Variants in HDGFL3 observed in about 807,000 individuals in gnomAD.
The protein encoded by HDGFL3 is hepatoma-derived growth factor-related protein 3.
HDGFL3 carries 6 observed loss-of-function variants against 27.6 expected under a neutral mutation model. The ratio of observed to expected loss-of-function variants is 0.22; its 90% confidence interval spans 0.12 to 0.43. The LOEUF (loss-of-function observed/expected upper bound fraction) is 0.43. Ranked by LOEUF, HDGFL3 falls within the 20% of genes least tolerant of loss-of-function variation. The pLI is 1.00. For missense variants in HDGFL3, 207 were observed against 250.1 expected, an observed-to-expected ratio of 0.83 and a Z score of 1.16; for synonymous variants, 88 against 88.9, an observed-to-expected ratio of 0.99 and a Z score of 0.05.
chr15:83,121,198 G>A (rs1179591317), intron 3 of HDGFL3, among the ~76,000 whole-genome samples: 4 of 151,664 alleles, frequency 2.6e-5, no homozygotes, highest in Non-Finnish European at 5.9e-5. Context: ...AGCCTCCCAA[G>A]TAGCTGGAAT....
intron 1 of HDGFL3, among the ~76,000 whole-genome samples, chr15:83,174,270 G>A (rs928133055): frequency 6.6e-6 from 1 of 151,630 alleles, no homozygotes; most frequent in African/African-American, 2.4e-5. Flanking sequence ...GTATTTTCTC[G>A]AGCCCCACAT....
At chr15:83,167,799 T>C (rs1272266541) in intron 1 of HDGFL3, among the ~76,000 whole-genome samples, 1 of 152,108 alleles carries the variant, frequency 6.6e-6, no homozygotes, top group Non-Finnish European at 1.5e-5. Flanking sequence ...AACAAAGAAA[T>C]TCTGGATTTA....
chr15:83,119,813 C>T (rs1345872792), intron 3 of HDGFL3: 34 of 1,420,564 alleles, frequency 2.4e-5, no homozygotes, highest in Non-Finnish European at 2.6e-5. Flanking sequence ...CATGGGTGCA[C>T]GTCAGACGTG....
chr15:83,161,282 A>G (rs1211858483), intron 2 of HDGFL3, among the ~76,000 whole-genome samples: 1 of 152,010 alleles, frequency 6.6e-6, no homozygotes, highest in African/African-American at 2.4e-5. Context: ...TGATCCTCCC[A>G]CCTCAGCCTC....
intron 2 of HDGFL3, among the ~76,000 whole-genome samples, chr15:83,159,411 C>T (rs1417159222): frequency 6.6e-6 from 1 of 152,194 alleles, no homozygotes; most frequent in Non-Finnish European, 1.5e-5. Flanking sequence ...ATTGATTGAA[C>T]ATTTGTTAAT....
chr15:83,176,138 G>A (rs2037306765), intron 1 of HDGFL3, among the ~76,000 whole-genome samples: 1 of 152,164 alleles, frequency 6.6e-6, no homozygotes. Context: ...TGCTATGTGT[G>A]TCCTGTGTTT....
At chr15:83,164,142 T>C (rs2037134365) in intron 1 of HDGFL3, 67 bp from the exon 2 acceptor site, 1 of 897,644 alleles carries the variant, frequency 1.1e-6, no homozygotes, top group South Asian at 1.7e-5. Context: ...ATTGTTCTGA[T>C]AATTTACTGC....
At chr15:83,152,494 G>A (rs1469065469) in intron 4 of HDGFL3, among the ~76,000 whole-genome samples, 2 of 151,696 alleles carry the variant, frequency 1.3e-5, no homozygotes, top group African/African-American at 4.8e-5. Context: ...TAAGGTCAGG[G>A]GTTTGAGACC....
intron 1 of HDGFL3, among the ~76,000 whole-genome samples, chr15:83,179,027 G>A (rs1194740803): frequency 1.3e-5 from 2 of 152,114 alleles, no homozygotes; most frequent in Non-Finnish European, 2.9e-5. Flanking sequence ...TTATCAAACA[G>A]AACAGGCACA....
At position 83,157,994 on chromosome 15, in the gene HDGFL3, T is replaced by G; in HGVS notation, c.209A>C (p.Asp70Ala). 6.2e-7 allele frequency: 1 copy of G among 1,612,034 alleles called. No homozygotes were observed. The highest frequency in any genetic ancestry group is 8.5e-7 in the Non-Finnish European group (1 of 1,178,364). The change falls in exon 3 of 6, where the codon GAC becomes GCC. Residue 70 changes from aspartate (D) to alanine (A), a missense_variant. Coordinates refer to ENST00000299633, the MANE Select transcript of HDGFL3 (RefSeq NM_016073.4). Reference protein sequence around the residue: ...KDLFPYKEYKDKFGKSNKRKG... With the variant: ...KDLFPYKEYKAKFGKSNKRKG... The stretch of plus-strand genomic sequence containing the variant: ...CCGTTTGTTTGACTTTCCAAACTTG[T>G]CTTTGTACTCCTTATATGGAAAAAG...
At chr15:83,147,991 G>A (rs2036919981) in intron 5 of HDGFL3, among the ~76,000 whole-genome samples, 1 of 152,094 alleles carries the variant, frequency 6.6e-6, no homozygotes, top group Non-Finnish European at 1.5e-5. Flanking sequence ...CTGTACAGAA[G>A]AGAAAACATG....
In HDGFL3 at chr15:83,186,596, C is replaced by T. The variant is rs140618361; in HGVS notation, c.84+20735G>A. ...TCTTCTACAGCAACCTGGATGAAACCGAAGGCCATTATTTTAAGTGAAGTA... is the reference window on the plus strand; with the variant it reads ...TCTTCTACAGCAACCTGGATGAAACTGAAGGCCATTATTTTAAGTGAAGTA... On this transcript the variant is annotated intron_variant, in intron 1 of 5. Coordinates refer to ENST00000299633, the MANE Select transcript of HDGFL3 (RefSeq NM_016073.4). Among the ~76,000 whole-genome samples the T allele has an allele frequency of 7.3e-3, 1,117 of 152,216 alleles. 14 individuals are homozygous for T. Among genetic ancestry groups the T allele is most frequent in the Non-Finnish European group, 8.1e-3 (551 of 68,010 alleles).
Position 83,137,832 on chromosome 15 carries a change from C to CATCA in HDGFL3, c.*1434_*1437dup, listed in dbSNP as rs2036682993. The CATCA allele has an allele frequency of 6.6e-6, 1 of 151,986 alleles. No individual in the cohort carries two copies. The highest frequency in any genetic ancestry group is 6.6e-5 in the Admixed American group (1 of 15,236). The allele number at this position is 151,986 out of a possible 1,614,324, so 9.4% of individuals were successfully genotyped here. ...ATTTTCTCATGTTTTTATTAGCTCT[C>CATCA]ATCAAGAAAACCAAAAGAAAATGGG... On this transcript the variant is annotated 3_prime_UTR_variant, in exon 6 of 6. Transcript: ENST00000299633.
At chr15:83,158,458 A>AT (rs1164987323) in intron 2 of HDGFL3, among the ~76,000 whole-genome samples, 1 of 152,194 alleles carries the variant, frequency 6.6e-6, no homozygotes, top group Non-Finnish European at 1.5e-5. Flanking sequence ...TAAAAAAAAG[A>AT]TTTTAACTCT....
At position 83,134,053 on chromosome 15, in the gene HDGFL3, A is replaced by G. The variant is rs895387193; in HGVS notation, c.*5217T>C. ...TAATTCTGAATAAAGAGGCCTACTA[A>G]AATACATACAAAACTAGAGAAATGC... On this transcript the variant is annotated 3_prime_UTR_variant, in exon 6 of 6. Coordinates refer to ENST00000299633, the MANE Select transcript of HDGFL3 (RefSeq NM_016073.4). The G allele has an allele frequency of 3.3e-5, 5 of 152,124 alleles. No homozygotes were observed. Among genetic ancestry groups the G allele is most frequent in the Non-Finnish European group, 5.9e-5 (4 of 68,016 alleles). The allele number at this position is 152,124 out of a possible 1,614,324, so 9.4% of individuals were successfully genotyped here. A position where few individuals can be genotyped will look rare whatever the true frequency, so the allele number is the denominator to read the frequency against.
intron 1 of HDGFL3, among the ~76,000 whole-genome samples, chr15:83,185,299 T>C (rs1370599221): frequency 6.6e-6 from 1 of 152,146 alleles, no homozygotes; most frequent in African/African-American, 2.4e-5. Flanking sequence ...GTGCCCGGCC[T>C]AGAAGCTTTA....
intron 5 of HDGFL3, chr15:83,144,582 G>C (rs1279622989): frequency 2.2e-6 from 1 of 454,804 alleles, no homozygotes; most frequent in South Asian, 1.6e-5. Context: ...ATCAGAGGAG[G>C]CCTCTGGGAA....
chr15:83,126,574 T>C (rs1355373315), downstream of HDGFL3, among the ~76,000 whole-genome samples: 1 of 152,196 alleles, frequency 6.6e-6, no homozygotes, highest in Non-Finnish European at 1.5e-5. Context: ...TAATTAACCT[T>C]TGCTTAGTCT....
chr15:83,143,027 T>A (rs1381379230), intron 5 of HDGFL3, among the ~76,000 whole-genome samples: 1 of 152,146 alleles, frequency 6.6e-6, no homozygotes, highest in Non-Finnish European at 1.5e-5. Context: ...TAATAACTTT[T>A]TTTTTTGAGA....
Sources: gnomAD v4.1 joint callset for allele counts (sites outside exome capture counted in the v4.1 genomes callset) on GRCh38, gnomAD v4.1.1 for gene constraint, MANE v1.5 for transcripts, NCBI Gene and HGNC (gene_info 2026-07-23, HGNC 2026-07-21) for gene names.